ARHGAP26: variants seen among roughly 807,000 people sequenced by gnomAD.
The protein encoded by ARHGAP26 is rho GTPase-activating protein 26.
A neutral mutation model predicts 104.8 loss-of-function variants in ARHGAP26; 38 were observed. The ratio of observed to expected loss-of-function variants is 0.36; its 90% CI spans 0.28 to 0.48. The LOEUF (loss-of-function observed/expected upper bound fraction) is 0.48, where lower values mean the gene tolerates loss of function less well. ARHGAP26 is among the 20% of genes least tolerant of loss of function. The pLI is 0.99. For missense variants in ARHGAP26, 704 were observed against 947.9 expected (o/e 0.74, Z 3.38); for synonymous variants, 341 against 340.0 (o/e 1.00, Z -0.03).
intron 11 of ARHGAP26, among the ~76,000 whole-genome samples, chr5:142,996,813 T>C (rs2152771671): frequency 6.6e-6 from 1 of 152,244 alleles, no homozygotes; most frequent in South Asian, 2.1e-4. Context: ...CATGGAGGCA[T>C]TGTTGCAGCT....
chr5:142,886,705 T>A (rs1757755280), intron 5 of ARHGAP26, among the ~76,000 whole-genome samples: 1 of 152,206 alleles, frequency 6.6e-6, no homozygotes, highest in Admixed American at 6.5e-5. Flanking sequence ...CAAATGTGAT[T>A]GAAAAACCTA....
At chr5:142,848,241 G>A (rs993863352) in intron 1 of ARHGAP26, among the ~76,000 whole-genome samples, 6 of 152,206 alleles carry the variant, frequency 3.9e-5, no homozygotes, top group African/African-American at 1.2e-4. Flanking sequence ...CTAGACACTA[G>A]TTTTGGTTTT....
intron 11 of ARHGAP26, among the ~76,000 whole-genome samples, chr5:142,968,221 A>G (rs887605645): frequency 6.6e-6 from 1 of 152,220 alleles, no homozygotes; most frequent in South Asian, 2.1e-4. Context: ...CAGAGAGATT[A>G]AGTATTTTAC....
chr5:142,989,739 T>G (rs910305599), intron 11 of ARHGAP26, among the ~76,000 whole-genome samples: 6 of 152,214 alleles, frequency 3.9e-5, no homozygotes, highest in African/African-American at 1.4e-4. Flanking sequence ...GGATATGAAA[T>G]TCTGGGTTGA....
intron 14 of ARHGAP26, among the ~76,000 whole-genome samples, chr5:143,051,062 T>C (rs1245728500): frequency 6.6e-6 from 1 of 151,314 alleles, no homozygotes. Context: ...TGTATATCTG[T>C]TTTTTTTTCT....
At chr5:143,075,853 C>G (rs1788921400) in intron 17 of ARHGAP26, among the ~76,000 whole-genome samples, 1 of 151,980 alleles carries the variant, frequency 6.6e-6, no homozygotes, top group Non-Finnish European at 1.5e-5. Context: ...AGCACGCCAC[C>G]AGGCCCAGCT....
chr5:143,196,521 C>G (rs550395082), intron 20 of ARHGAP26, among the ~76,000 whole-genome samples: 2 of 152,174 alleles, frequency 1.3e-5, no homozygotes, highest in African/African-American at 4.8e-5. Context: ...AAAGTCACCT[C>G]ATTTAATATT....
intron 20 of ARHGAP26, chr5:143,202,955 C>G (rs1023529015): frequency 5.9e-5 from 9 of 152,094 alleles, no homozygotes; most frequent in African/African-American, 2.2e-4. Context: ...AAATGTAAGA[C>G]CTAAAGCCGT....
At chr5:142,902,140 G>T in intron 7 of ARHGAP26, 101 bp downstream of exon 7, 4 of 1,004,646 alleles carry the variant, frequency 4.0e-6, no homozygotes, top group Non-Finnish European at 6.0e-6. Flanking sequence ...GAATGTAGGT[G>T]AGGAGGGTGG....
intron 19 of ARHGAP26, 84 bp downstream of exon 19, chr5:143,134,189 T>C: frequency 7.0e-7 from 1 of 1,433,812 alleles, no homozygotes; most frequent in Non-Finnish European, 9.3e-7. Context: ...ACTTCCAGCT[T>C]TTCTCTGTGT....
intron 1 of ARHGAP26, among the ~76,000 whole-genome samples, chr5:142,825,113 CTG>C (rs1378576181): frequency 6.6e-6 from 1 of 152,194 alleles, no homozygotes; most frequent in East Asian, 1.9e-4. Context: ...GTGGAGCATA[CTG>C]TTCTCTTGCT....
At chr5:143,150,299 G>A (rs1305813491) in intron 20 of ARHGAP26, among the ~76,000 whole-genome samples, 1 of 152,236 alleles carries the variant, frequency 6.6e-6, no homozygotes, top group Non-Finnish European at 1.5e-5. Flanking sequence ...ACCGGAATAA[G>A]AGGGTTCCTG....
chr5:142,817,347 A>G (rs934211730), intron 1 of ARHGAP26, among the ~76,000 whole-genome samples: 1 of 152,196 alleles, frequency 6.6e-6, no homozygotes, highest in African/African-American at 2.4e-5. Context: ...GTTGAAAACA[A>G]GGGAGAGAGA....
At chr5:142,797,679 C>A (rs773658494) in intron 1 of ARHGAP26, among the ~76,000 whole-genome samples, 6 of 152,208 alleles carry the variant, frequency 3.9e-5, no homozygotes, top group Non-Finnish European at 8.8e-5. Flanking sequence ...GTCTGTGATT[C>A]CATTCTATTT....
chr5:142,830,720 GAT>G (rs1285187006), intron 1 of ARHGAP26, among the ~76,000 whole-genome samples: 1 of 152,168 alleles, frequency 6.6e-6, no homozygotes, highest in Non-Finnish European at 1.5e-5. Flanking sequence ...CAGACAGACA[GAT>G]ACACACACAA....
chr5:142,780,302 T>G (rs11749540), intron 1 of ARHGAP26, among the ~76,000 whole-genome samples: 11,089 of 152,258 alleles, frequency 0.073, 811 homozygotes, highest in African/African-American at 0.18. Flanking sequence ...GCAAGTAATG[T>G]TGTTGTGAAC....
intron 1 of ARHGAP26, among the ~76,000 whole-genome samples, chr5:142,823,405 T>TC (rs938229496): frequency 6.6e-6 from 1 of 152,210 alleles, no homozygotes; most frequent in African/African-American, 2.4e-5. Flanking sequence ...TGTTTTTTTT[T>TC]CTTTCTCTTC....
At chr5:142,841,338 G>A (rs143955743) in intron 1 of ARHGAP26, among the ~76,000 whole-genome samples, 163 of 152,308 alleles carry the variant, frequency 1.1e-3, no homozygotes, top group Non-Finnish European at 1.8e-3. Context: ...GTGGCCACAG[G>A]TTTCAAGTCT....
chr5:143,068,913 A>T (rs915276195), intron 17 of ARHGAP26, among the ~76,000 whole-genome samples: 1 of 152,034 alleles, frequency 6.6e-6, no homozygotes, highest in Non-Finnish European at 1.5e-5. Flanking sequence ...CCCTTCCTTA[A>T]TTGCTCTGAA....
Sources: gnomAD v4.1 joint callset for allele counts (sites outside exome capture counted in the v4.1 genomes callset) on GRCh38, gnomAD v4.1.1 for gene constraint, MANE v1.5 for transcripts, NCBI Gene and HGNC (gene_info 2026-07-23, HGNC 2026-07-21) for gene names.